The following RABGGTA variants were observed in gnomAD, a reference collection of about 807,000 sequenced individuals.
The protein encoded by RABGGTA is geranylgeranyl transferase type-2 subunit alpha.
RABGGTA carries 69 observed loss-of-function variants against 83.3 expected under a neutral mutation model. The ratio of observed to expected loss-of-function variants is 0.83; its 90% CI spans 0.68 to 1.01. RABGGTA has a LOEUF of 1.01. Ranked by LOEUF, RABGGTA falls within the 50% of genes least tolerant of loss-of-function variation. The pLI is 0.00. For missense variants in RABGGTA, 681 were observed against 712.7 expected, an observed-to-expected ratio of 0.96 and a Z score of 0.51; for synonymous variants, 310 against 299.8, an observed-to-expected ratio of 1.03 and a Z score of -0.35.
rs1431248556 is a variant in RABGGTA, at chr14:24,270,931, A to C, written c.20T>G (p.Val7Gly). Residue 7 changes from valine to glycine, a missense_variant, in exon 3 of 17, where the codon GTG (valine) becomes GGG (glycine). This residue lies in a region of RABGGTA where 115 missense variants were observed against 111.5 expected (regional missense o/e 1.03). Coordinates refer to ENST00000216840, the MANE Select transcript of RABGGTA (RefSeq NM_182836.3). Reference sequence around the variant, plus strand: ...CTCCGCCTGCTCTTCTGACGTCTTCACCTTCAGGCGTCCGTGCTACAAGGA... The same window carrying C: ...CTCCGCCTGCTCTTCTGACGTCTTCCCCTTCAGGCGTCCGTGCTACAAGGA... MHGRLK[V>G]KTSEEQAEAK... 6.2e-7 allele frequency: 1 copy of C among 1,613,850 alleles called. No individual in the cohort carries two copies. The highest frequency in any genetic ancestry group is 8.5e-7 in the Non-Finnish European group (1 of 1,179,834).
chr14:24,266,623 C>A, intron 15 of RABGGTA, 106 bp from the exon 16 acceptor site: 3 of 1,276,248 alleles, frequency 2.4e-6, no homozygotes, highest in Non-Finnish European at 3.4e-6. Context: ...GAGGGGCTCA[C>A]AGGGTCAGGC....
rs774754408 is a variant in RABGGTA, at chr14:24,268,816, C to G, written c.809G>C (p.Arg270Thr). Residue 270 changes from arginine (R) to threonine (T), a missense_variant, in exon 9 of 17, where the codon AGG (arginine) becomes ACG (threonine). Physicochemically the swap from Arg to Thr is moderately conservative, Grantham distance 71 (BLOSUM62 -1). Around this residue, in one of 5 missense-constraint regions of RABGGTA, gnomAD observed 421 missense variants for 418.5 expected, o/e 1.01. Transcript: ENST00000216840. The part of the protein sequence containing the change: ...SFSRPLLVGS[R>T]MEILLLMVDD... ...AACCATGAGCAGCAAGATCTCCATCCTGGAGCCCACCTGGCACAAAGGACA... is the reference window on the plus strand; with the variant it reads ...AACCATGAGCAGCAAGATCTCCATCGTGGAGCCCACCTGGCACAAAGGACA... The G allele has an allele frequency of 1.1e-5, 17 of 1,567,004 alleles. No homozygotes were observed. In the East Asian group the frequency reaches 3.3e-4, roughly 31 times the overall value.
chr14:24,266,747 T>C (rs201820189), intron 15 of RABGGTA, 29 bp downstream of exon 15: 7 of 1,575,238 alleles, frequency 4.4e-6, no homozygotes, highest in Non-Finnish European at 6.1e-6. Context: ...GAACCACCCG[T>C]GACAGGGACG....
intron 6 of RABGGTA, 54 bp from the exon 7 acceptor site, chr14:24,269,217 G>A: frequency 6.7e-7 from 1 of 1,496,096 alleles, no homozygotes; most frequent in South Asian, 1.2e-5. Context: ...TGAGCTCCTG[G>A]CCACTCCAAC....
In RABGGTA at chr14:24,266,522, G is replaced by A; in HGVS notation, c.1468-5C>T. Reference sequence around the variant, plus strand: ...ATTATCACTGGCCTGCAGCACCTGGGGGCAGGGAGGGCAGGGAGGCAGGAC... The same window carrying A: ...ATTATCACTGGCCTGCAGCACCTGGAGGCAGGGAGGGCAGGGAGGCAGGAC... On this transcript the variant is annotated splice_region_variant and splice_polypyrimidine_tract_variant and intron_variant, in intron 15 of 16. Transcript: ENST00000216840. The A allele has an allele frequency of 6.2e-7, 1 of 1,612,274 alleles. No individual in the cohort carries two copies. The highest frequency in any genetic ancestry group is 8.5e-7 in the Non-Finnish European group (1 of 1,178,560).
In RABGGTA at chr14:24,267,686, C is replaced by T. The variant is rs758402043; in HGVS notation, c.1327G>A (p.Val443Met). Residue 443 changes from valine (V) to methionine (M), a missense_variant, in exon 14 of 17, where the codon GTG (valine) becomes ATG (methionine). Physicochemically the swap from Val to Met is conservative, Grantham distance 21. Around this residue, in one of 5 missense-constraint regions of RABGGTA, gnomAD observed 421 missense variants for 418.5 expected, o/e 1.01. Coordinates refer to ENST00000216840, the MANE Select transcript of RABGGTA (RefSeq NM_182836.3). ...NSVLKMEYAE[V>M]RVLHLAHKDL... Reference sequence around the variant, plus strand: ...TTGTGAGCCAGGTGCAGCACACGCACCTCGGCATACTCCATCTTGAGCACG... The same window carrying T: ...TTGTGAGCCAGGTGCAGCACACGCATCTCGGCATACTCCATCTTGAGCACG... 3 of 1,611,860 alleles carry T rather than the reference C, an allele frequency of 1.9e-6. No homozygotes were observed. The highest frequency in any genetic ancestry group is 3.3e-5 in the Admixed American group (2 of 59,998).
chr14:24,269,220 ACTC>A, intron 6 of RABGGTA, 57 bp from the exon 7 acceptor site: 1 of 1,475,742 alleles, frequency 6.8e-7, no homozygotes, highest in Non-Finnish European at 9.3e-7. Context: ...GCTCCTGGCC[ACTC>A]CAACACCCTA....
intron 3 of RABGGTA, 41 bp downstream of exon 3, chr14:24,270,796 A>C: frequency 1.3e-6 from 2 of 1,597,278 alleles, no homozygotes; most frequent in Non-Finnish European, 1.7e-6. Flanking sequence ...CACTATACTA[A>C]GGGAGCTACT....
chr14:24,271,433 T>G, intron 1 of RABGGTA, 54 bp downstream of exon 1: 23 of 246,246 alleles, frequency 9.3e-5, no homozygotes, highest in East Asian at 1.4e-4. Context: ...AGGTTGCCGC[T>G]ACCCGCCCGT....
In RABGGTA at chr14:24,270,024, C is replaced by T. The variant is rs1383821114; in HGVS notation, c.356G>A (p.Arg119His). 1.9e-6 allele frequency: 3 copies of T among 1,613,496 alleles called. No homozygotes were observed. Among genetic ancestry groups the T allele is most frequent in the Non-Finnish European group, 2.5e-6 (3 of 1,179,714 alleles). The change falls in exon 5 of 17, where the codon CGC becomes CAC. Residue 119 changes from arginine to histidine, a missense_variant. Arg to His is a conservative substitution (Grantham distance 29). Around this residue, in one of 5 missense-constraint regions of RABGGTA, gnomAD observed 12 missense variants for 32.0 expected, o/e 0.37. Coordinates refer to ENST00000216840, the MANE Select transcript of RABGGTA (RefSeq NM_182836.3). ...TCGGGTCCAGTTGGGCTCAGGCAGG[C>T]GGCCTAGCAGCCAGCATCGGTGGTG... The part of the protein sequence containing the change: ...TWHHRCWLLG[R>H]LPEPNWTREL...
chr14:24,270,193 C>T, intron 4 of RABGGTA, 53 bp from the exon 5 acceptor site: 2 of 1,561,340 alleles, frequency 1.3e-6, no homozygotes, highest in Middle Eastern at 1.7e-4. Context: ...TCAACCTCAG[C>T]TCACCCCTCA....
At position 24,268,400 on chromosome 14, in the gene RABGGTA, G is replaced by A. The variant is rs369486237; in HGVS notation, c.1027C>T (p.Arg343Trp). The change falls in exon 11 of 17, where the codon CGG becomes TGG. Residue 343 changes from arginine (R) to tryptophan (W), a missense_variant. This residue lies in a region of RABGGTA where 421 missense variants were observed against 418.5 expected (regional missense o/e 1.01). Coordinates refer to ENST00000216840, the MANE Select transcript of RABGGTA (RefSeq NM_182836.3). The part of the protein sequence containing the change: ...LLKGRQEGWC[R>W]DSTTDEQLFR... The stretch of plus-strand genomic sequence containing the variant: ...AGCTGCTCGTCTGTCGTGGAGTCCC[G>A]GCACCAGCCCTCCTGGCGGCCTGGG... 18 of 1,613,456 alleles carry A rather than the reference G, an allele frequency of 1.1e-5. No homozygotes were observed. Among genetic ancestry groups the A allele is most frequent in the South Asian group, 7.7e-5 (7 of 91,050 alleles).
intron 16 of RABGGTA, 81 bp from the exon 17 acceptor site, chr14:24,265,844 G>A: frequency 4.7e-6 from 7 of 1,478,372 alleles, no homozygotes; most frequent in Admixed American, 2.4e-5. Context: ...GCTGGGGACT[G>A]CTGCCTGGAA....
intron 15 of RABGGTA, 77 bp downstream of exon 15, chr14:24,266,699 T>C (rs1336120470): frequency 7.2e-7 from 1 of 1,383,094 alleles, no homozygotes; most frequent in African/African-American, 1.4e-5. Flanking sequence ...CATCTCCTTG[T>C]AGGATGGGCA....
At position 24,270,160 on chromosome 14, in the gene RABGGTA, G is replaced by GA. The variant is rs1217347018; in HGVS notation, c.240-21_240-20insT. The stretch of plus-strand genomic sequence containing the variant: ...GGAGACCTGTACCCAGAAGGGAAGG[G>GA]GGGGGTCAGGGCTCTCCTACAGTCA... On this transcript the variant is annotated intron_variant, in intron 4 of 16. Coordinates refer to ENST00000216840, the MANE Select transcript of RABGGTA (RefSeq NM_182836.3). 1 of 1,592,606 alleles carries GA rather than the reference G, an allele frequency of 6.3e-7. No individual in the cohort carries two copies. Among genetic ancestry groups the GA allele is most frequent in the African/African-American group, 1.3e-5 (1 of 74,326 alleles).
Position 24,266,471 on chromosome 14 carries a change from G to A in RABGGTA, c.1514C>T (p.Thr505Ile), listed in dbSNP as rs2040874973. ...DNAIESLDGVTNLPRLQELLL... is the reference protein window; with the variant it reads ...DNAIESLDGVINLPRLQELLL... ...CAGCTCCTGCAGCCGGGGTAGGTTGGTGACGCCGTCCAGGGACTCTATGGC... is the reference window on the plus strand; with the variant it reads ...CAGCTCCTGCAGCCGGGGTAGGTTGATGACGCCGTCCAGGGACTCTATGGC... Residue 505 changes from threonine to isoleucine, a missense_variant, in exon 16 of 17, where the codon ACC becomes ATC. Around this residue, in one of 5 missense-constraint regions of RABGGTA, gnomAD observed 421 missense variants for 418.5 expected, o/e 1.01. Transcript: ENST00000216840. The A allele has an allele frequency of 1.9e-6, 3 of 1,614,008 alleles. No individual in the cohort carries two copies. The highest frequency in any genetic ancestry group is 2.5e-6 in the Non-Finnish European group (3 of 1,179,898).
chr14:24,270,397 T>G lies in RABGGTA; in HGVS notation c.176A>C (p.Asn59Thr), dbSNP rs774554359. ...LELTSQILGA[N>T]PDFATLWNCR... ...GTTCCAGAGGGTGGCAAAATCAGGG[T>G]TGGCTCCCAGAATCTGGCTTGTCAG... The change falls in exon 4 of 17, where the codon AAC becomes ACC. Residue 59 changes from asparagine to threonine, a missense_variant. Physicochemically the swap from Asn to Thr is moderately conservative, Grantham distance 65. Around this residue, in one of 5 missense-constraint regions of RABGGTA, gnomAD observed 115 missense variants for 111.5 expected, o/e 1.03. Coordinates refer to ENST00000216840, the MANE Select transcript of RABGGTA (RefSeq NM_182836.3). 5 of 1,613,866 alleles carry G rather than the reference T, an allele frequency of 3.1e-6. No homozygotes were observed. The highest frequency in any genetic ancestry group is 2.5e-6 in the Non-Finnish European group (3 of 1,179,898).
intron 4 of RABGGTA, 41 bp from the exon 5 acceptor site, chr14:24,270,181 A>G: frequency 6.4e-7 from 1 of 1,572,096 alleles, no homozygotes; most frequent in Non-Finnish European, 8.6e-7. Context: ...GCTCTCCTAC[A>G]GTCAACCTCA....
At chr14:24,269,739 G>A in intron 5 of RABGGTA, 45 bp from the exon 6 acceptor site, 1 of 1,591,720 alleles carries the variant, frequency 6.3e-7, no homozygotes, top group South Asian at 1.1e-5. Context: ...AGGGCAAGAG[G>A]AGCTACCTGG....
Sources: allele counts gnomAD v4.1 joint callset, GRCh38; gene constraint gnomAD v4.1.1; regional missense constraint gnomAD v4.1.1; transcripts MANE v1.5; gene names NCBI Gene and HGNC (gene_info 2026-07-23, HGNC 2026-07-21).